CASTOR2: variants seen among roughly 807,000 people sequenced by gnomAD.
CASTOR2 encodes the protein GATS protein like 2.
CASTOR2 carries 8 observed loss-of-function variants against 31.2 expected under a neutral mutation model. The observed-to-expected ratio is 0.26, with a 90% confidence interval of 0.15 to 0.46. The LOEUF (loss-of-function observed/expected upper bound fraction) is 0.46. CASTOR2 is among the 20% of genes least tolerant of loss of function. The probability of loss-of-function intolerance (pLI) is 0.99; values close to 1 mark genes in which losing one functional copy is unlikely to be tolerated. For synonymous variants in CASTOR2, 162 were observed against 158.7 expected (o/e 1.02, Z -0.16); for missense variants, 216 against 382.1 (o/e 0.57, Z 3.62).
intron 1 of CASTOR2, among the ~76,000 whole-genome samples, chr7:74,973,333 C>CTTTT (rs1200356756): frequency 7.2e-4 from 58 of 80,320 alleles, no homozygotes; most frequent in African/African-American, 8.8e-4. Flanking sequence ...CTCCAGTAAG[C>CTTTT]TTTTTTTTTT....
At chr7:75,019,187 C>G in intron 5 of CASTOR2, 92 bp downstream of exon 5, 1 of 1,545,780 alleles carries the variant, frequency 6.5e-7, no homozygotes, top group South Asian at 1.2e-5. Context: ...GGAGGCTTTG[C>G]TAGGAGCTCA....
chr7:75,004,946 A>T (rs1430496200), intron 1 of CASTOR2, among the ~76,000 whole-genome samples: 4 of 151,488 alleles, frequency 2.6e-5, no homozygotes, highest in African/African-American at 9.7e-5. Flanking sequence ...GCTCATTGCA[A>T]CCTCCACCTC....
At chr7:74,970,938 A>AAAT (rs1375333610) in intron 1 of CASTOR2, among the ~76,000 whole-genome samples, 1 of 149,756 alleles carries the variant, frequency 6.7e-6, no homozygotes, top group Non-Finnish European at 1.5e-5. Context: ...TGTCTCTGAA[A>AAAT]AATAATAAAA....
intron 2 of CASTOR2, among the ~76,000 whole-genome samples, chr7:75,016,296 G>A (rs1804861809): frequency 6.6e-6 from 1 of 152,238 alleles, no homozygotes; most frequent in Admixed American, 6.5e-5. Flanking sequence ...CTGCAGGACA[G>A]GGTGGAAGGG....
chr7:75,023,586 C>T (rs1391013017), intron 7 of CASTOR2, among the ~76,000 whole-genome samples: 3 of 151,580 alleles, frequency 2.0e-5, no homozygotes, highest in East Asian at 2.0e-4. Flanking sequence ...ACTATAGGCA[C>T]GTGCCACCAC....
At chr7:74,982,418 C>T (rs1363390148) in intron 1 of CASTOR2, among the ~76,000 whole-genome samples, 1 of 151,870 alleles carries the variant, frequency 6.6e-6, no homozygotes, top group Non-Finnish European at 1.5e-5. Context: ...TCTGTAAGGG[C>T]AGATCTCGCG....
intron 1 of CASTOR2, among the ~76,000 whole-genome samples, chr7:74,972,088 C>T (rs1803689293): frequency 6.7e-6 from 1 of 148,500 alleles, no homozygotes; most frequent in Non-Finnish European, 1.5e-5. Flanking sequence ...AAGGTATCCT[C>T]CTGCCTCAGC....
rs1415004889 is a variant in CASTOR2 at position 75,030,838 on chromosome 7, G to T, written c.*6139G>T. Among the ~76,000 whole-genome samples, 1 of 152,138 alleles carries T rather than the reference G, an allele frequency of 6.6e-6. No homozygotes were observed. Among genetic ancestry groups the T allele is most frequent in the African/African-American group, 2.4e-5 (1 of 41,424 alleles). On this transcript the variant is annotated 3_prime_UTR_variant, in exon 9 of 9. Transcript: ENST00000616305. ...GGCTGCCCGTGCTGACTCTTCAAAG[G>T]CATCCCATCCTGCAGATGGTGTTCA...
intron 2 of CASTOR2, among the ~76,000 whole-genome samples, chr7:75,017,128 G>T (rs1312963531): frequency 2.0e-5 from 3 of 151,836 alleles, no homozygotes; most frequent in Non-Finnish European, 4.4e-5. Flanking sequence ...CTCCAGCCTG[G>T]GTGACAGAGC....
At chr7:75,020,533 C>T (rs1554440293) in intron 6 of CASTOR2, among the ~76,000 whole-genome samples, 4,936 of 151,382 alleles carry the variant, frequency 0.033, 128 homozygotes, top group African/African-American at 0.063. Flanking sequence ...CTCTGTCGCC[C>T]AGGCTGGAGT....
intron 2 of CASTOR2, among the ~76,000 whole-genome samples, chr7:75,011,603 G>A (rs1285787905): frequency 4.0e-5 from 6 of 151,142 alleles, no homozygotes; most frequent in African/African-American, 1.5e-4. Flanking sequence ...AGGCGTGGTG[G>A]TGGGCGCCTG....
chr7:75,019,095 G>C lies in CASTOR2; in HGVS notation c.635G>C (p.Gly212Ala). 1.3e-6 allele frequency: 2 copies of C among 1,551,834 alleles called. No individual in the cohort carries two copies. The highest frequency in any genetic ancestry group is 1.7e-6 in the Non-Finnish European group (2 of 1,147,032). ...ATGGATGTCATGTTCTACTCCAATG[G>C]GTAGGGCTGCCTTGGGCATGAGGGG... ...LLMDVMFYSNGVKDPMATGDD... is the reference protein window; with the variant it reads ...LLMDVMFYSNAVKDPMATGDD... Residue 212 changes from glycine to alanine, a missense_variant and splice_region_variant, in exon 5 of 9, where the codon GGA (glycine) becomes GCA (alanine). By Grantham distance (60) the Gly-to-Ala change is moderately conservative. Transcript: ENST00000616305.
chr7:75,017,623 T>C lies in CASTOR2; in HGVS notation c.210T>C (p.Ser70=). 1 of 1,613,964 alleles carries C rather than the reference T, an allele frequency of 6.2e-7. No individual in the cohort carries two copies. Among genetic ancestry groups the C allele is most frequent in the Non-Finnish European group, 8.5e-7 (1 of 1,179,858 alleles). ...FLELPSSEHL[S]VADATWLALN... ...AGCTGCCCTCCTCGGAGCACCTGAGTGTGGCAGATGCCACCTGGCTGGCCC... is the reference window on the plus strand; with the variant it reads ...AGCTGCCCTCCTCGGAGCACCTGAGCGTGGCAGATGCCACCTGGCTGGCCC... Residue 70 remains serine, a synonymous_variant, in exon 3 of 9, where the codon AGT becomes AGC. Transcript: ENST00000616305.
chr7:75,011,966 TAAAAG>T (rs1804760713), intron 2 of CASTOR2, among the ~76,000 whole-genome samples: 1 of 146,302 alleles, frequency 6.8e-6, no homozygotes, highest in African/African-American at 2.5e-5. Context: ...GACTCCGTCT[TAAAAG>T]AAAGAAAAAA....
chr7:75,001,681 C>T (rs1354968539), intron 1 of CASTOR2, among the ~76,000 whole-genome samples: 24 of 152,250 alleles, frequency 1.6e-4, no homozygotes, highest in African/African-American at 4.8e-4. Context: ...TCCATCCTTT[C>T]GCTCAGCAAT....
At chr7:74,980,692 C>A (rs1350614231) in intron 1 of CASTOR2, among the ~76,000 whole-genome samples, 1 of 138,768 alleles carries the variant, frequency 7.2e-6, no homozygotes, top group Non-Finnish European at 1.5e-5. Context: ...GCACATCTGA[C>A]AATTGCAGGA....
intron 2 of CASTOR2, among the ~76,000 whole-genome samples, chr7:75,009,061 A>G (rs1417668475): frequency 1.3e-5 from 2 of 151,892 alleles, no homozygotes; most frequent in Non-Finnish European, 2.9e-5. Context: ...GGTTCAAGCC[A>G]TTCTCCTGCC....
intron 2 of CASTOR2, among the ~76,000 whole-genome samples, chr7:75,011,643 G>A (rs1302926124): frequency 1.3e-5 from 2 of 149,778 alleles, no homozygotes; most frequent in Non-Finnish European, 3.0e-5. Context: ...GGCTGAGGCA[G>A]GAGAATGTCG....
intron 1 of CASTOR2, among the ~76,000 whole-genome samples, chr7:74,967,229 C>T (rs1409573063): frequency 1.0e-5 from 1 of 98,630 alleles, no homozygotes; most frequent in Non-Finnish European, 2.3e-5. Flanking sequence ...TCCTCTGGCT[C>T]ACACTTCGTC....
Sources: gnomAD v4.1 joint callset for allele counts (sites outside exome capture counted in the v4.1 genomes callset) on GRCh38, gnomAD v4.1.1 for gene constraint, MANE v1.5 for transcripts, NCBI Gene and HGNC (gene_info 2026-07-23, HGNC 2026-07-21) for gene names.